The following RALGAPA2 variants were observed in gnomAD, a reference collection of about 807,000 sequenced individuals.
RALGAPA2 encodes Ral GTPase activating protein catalytic subunit alpha 2, also known as ral GTPase-activating protein subunit alpha-2.
A neutral mutation model predicts 230.4 loss-of-function variants in RALGAPA2; 139 were observed. That is an observed-to-expected ratio of 0.60 (90% CI 0.53 to 0.69). The LOEUF is 0.69. Ranked by LOEUF, RALGAPA2 falls within the 30% of genes least tolerant of loss-of-function variation. The pLI, the probability that RALGAPA2 is intolerant of heterozygous loss-of-function variation, is 0.00. For synonymous variants in RALGAPA2, 847 were observed against 837.8 expected (o/e 1.01, Z -0.19); for missense variants, 2,163 against 2,276.0 (o/e 0.95, Z 1.01).
At chr20:20,411,885 A>G in intron 38 of RALGAPA2, 142 bp downstream of exon 38, 1 of 1,126,942 alleles carries the variant, frequency 8.9e-7, no homozygotes. Flanking sequence ...GAATGTCATC[A>G]TTCCTTTTGA....
chr20:20,439,923 A>T (rs929523429), intron 37 of RALGAPA2, among the ~76,000 whole-genome samples: 2 of 152,240 alleles, frequency 1.3e-5, no homozygotes, highest in African/African-American at 4.8e-5. Flanking sequence ...GTTAAGAGAA[A>T]GCGATTTTGT....
intron 33 of RALGAPA2, among the ~76,000 whole-genome samples, chr20:20,509,195 T>C (rs1046367841): frequency 2.0e-5 from 3 of 152,214 alleles, no homozygotes; most frequent in Non-Finnish European, 2.9e-5. Flanking sequence ...GAAGTTGATC[T>C]ATGTTCCTCT....
intron 4 of RALGAPA2, among the ~76,000 whole-genome samples, chr20:20,646,602 C>T (rs2067223809): frequency 6.6e-6 from 1 of 152,056 alleles, no homozygotes; most frequent in African/African-American, 2.4e-5. Context: ...ACATTTTAAC[C>T]ATAAATATCC....
chr20:20,618,008 T>TAAA (rs1247987362), intron 12 of RALGAPA2, among the ~76,000 whole-genome samples: 1 of 152,188 alleles, frequency 6.6e-6, no homozygotes, highest in African/African-American at 2.4e-5. Flanking sequence ...ATGATGACTT[T>TAAA]AAGCAAGATA....
chr20:20,455,284 G>A (rs1433921392), intron 37 of RALGAPA2, among the ~76,000 whole-genome samples: 4 of 152,224 alleles, frequency 2.6e-5, no homozygotes, highest in African/African-American at 4.8e-5. Flanking sequence ...GAAGGTGAGC[G>A]CTAGAGACAG....
intron 25 of RALGAPA2, 37 bp downstream of exon 25, chr20:20,536,619 G>T: frequency 6.3e-7 from 1 of 1,597,732 alleles, no homozygotes; most frequent in Non-Finnish European, 8.6e-7. Flanking sequence ...ATTATAAAAA[G>T]TACTAAACTT....
intron 31 of RALGAPA2, 150 bp from the exon 32 acceptor site, chr20:20,513,434 A>T: frequency 1.9e-6 from 1 of 539,200 alleles, no homozygotes; most frequent in East Asian, 3.4e-5. Context: ...ATAGCAAGAT[A>T]GTGCAAAAAG....
chr20:20,467,296 G>C (rs2061439761), intron 37 of RALGAPA2, among the ~76,000 whole-genome samples: 1 of 152,152 alleles, frequency 6.6e-6, no homozygotes. Flanking sequence ...CAGTAAGTGT[G>C]TTCCGGATAC....
chr20:20,690,226 A>G (rs1166857087), intron 1 of RALGAPA2, among the ~76,000 whole-genome samples: 1 of 152,146 alleles, frequency 6.6e-6, no homozygotes, highest in Non-Finnish European at 1.5e-5. Flanking sequence ...TCCAGAACTT[A>G]AGTAATAACA....
chr20:20,523,876 T>C (rs906595402), intron 30 of RALGAPA2, among the ~76,000 whole-genome samples: 5 of 152,200 alleles, frequency 3.3e-5, no homozygotes, highest in African/African-American at 7.2e-5. Flanking sequence ...TTAAAGATGA[T>C]AGTCATGTAA....
chr20:20,573,109 T>G (rs1392745872), intron 20 of RALGAPA2, 41 bp from the exon 21 acceptor site: 6 of 1,445,806 alleles, frequency 4.1e-6, no homozygotes, highest in East Asian at 2.5e-5. Context: ...TAAACAATCT[T>G]GATTTCATCA....
intron 37 of RALGAPA2, among the ~76,000 whole-genome samples, chr20:20,456,681 G>A (rs575275047): frequency 1.2e-4 from 18 of 152,328 alleles, no homozygotes; most frequent in African/African-American, 4.1e-4. Flanking sequence ...TGCCTGGCCA[G>A]CCCCAAGCTG....
intron 5 of RALGAPA2, 112 bp downstream of exon 5, chr20:20,643,394 A>G: frequency 1.0e-6 from 1 of 998,428 alleles, no homozygotes. Flanking sequence ...AATTAAAACT[A>G]AGTCAAGTGG....
intron 6 of RALGAPA2, among the ~76,000 whole-genome samples, 194 bp downstream of exon 6, chr20:20,640,507 G>A (rs1487327733): frequency 2.0e-5 from 3 of 152,026 alleles, no homozygotes; most frequent in Non-Finnish European, 2.9e-5. Flanking sequence ...CATTTCTCCT[G>A]TTTTCATTTC....
chr20:20,412,197 G>C, intron 37 of RALGAPA2, 49 bp from the exon 38 acceptor site: 1 of 1,603,798 alleles, frequency 6.2e-7, no homozygotes, highest in Non-Finnish European at 8.5e-7. Context: ...GTGGCATGCA[G>C]AGCAGTGACA....
At chr20:20,692,719 A>G (rs920520010) in intron 1 of RALGAPA2, among the ~76,000 whole-genome samples, 1 of 152,176 alleles carries the variant, frequency 6.6e-6, no homozygotes, top group Non-Finnish European at 1.5e-5. Flanking sequence ...GCCTTTGGAT[A>G]TCATTCTATC....
intron 35 of RALGAPA2, among the ~76,000 whole-genome samples, chr20:20,498,184 T>C (rs1201544239): frequency 3.9e-5 from 6 of 152,094 alleles, no homozygotes; most frequent in Admixed American, 3.3e-4. Context: ...ATCAGTGAGT[T>C]CGGTGAGTGC....
At chr20:20,472,709 G>T in intron 37 of RALGAPA2, 120 bp downstream of exon 37, 2 of 1,087,442 alleles carry the variant, frequency 1.8e-6, no homozygotes, top group Non-Finnish European at 2.5e-6. Context: ...TTTAACAGAG[G>T]TTGAAAAAAA....
intron 20 of RALGAPA2, among the ~76,000 whole-genome samples, chr20:20,576,776 A>G (rs1329161948): frequency 6.6e-6 from 1 of 152,032 alleles, no homozygotes; most frequent in Non-Finnish European, 1.5e-5. Flanking sequence ...ATTTTTATAG[A>G]TCTATTTGAA....
Sources: allele counts gnomAD v4.1 joint callset (sites outside exome capture counted in the v4.1 genomes callset), GRCh38; gene constraint gnomAD v4.1.1; transcripts MANE v1.5; gene names NCBI Gene and HGNC (gene_info 2026-07-23, HGNC 2026-07-21).